The following FHIP1A variants were observed in gnomAD, a reference collection of about 807,000 sequenced individuals.
The protein encoded by FHIP1A is FHF complex subunit HOOK-interacting protein 1A.
Under a neutral mutation model 88.6 loss-of-function variants are expected in FHIP1A, and 61 were observed. The ratio of observed to expected loss-of-function variants is 0.69; its 90% CI spans 0.56 to 0.85. The LOEUF (loss-of-function observed/expected upper bound fraction) is 0.85. FHIP1A is among the 40% of genes least tolerant of loss of function. The probability of loss-of-function intolerance (pLI) is 0.00; values close to 1 mark genes in which losing one functional copy is unlikely to be tolerated. For missense variants in FHIP1A, 1,154 were observed against 1,273.5 expected, an observed-to-expected ratio of 0.91 and a Z score of 1.43; for synonymous variants, 478 against 496.0, an observed-to-expected ratio of 0.96 and a Z score of 0.48.
intron 2 of FHIP1A, among the ~76,000 whole-genome samples, chr4:151,467,160 CAAAGGATATG>C (rs1729348238): frequency 6.6e-6 from 1 of 152,044 alleles, no homozygotes; most frequent in South Asian, 2.1e-4. Context: ...AAAAAGTGGG[CAAAGGATATG>C]AACAGACACT....
At chr4:151,429,725 T>C (rs764445381) in intron 1 of FHIP1A, among the ~76,000 whole-genome samples, 6 of 151,906 alleles carry the variant, frequency 3.9e-5, no homozygotes, top group Non-Finnish European at 8.8e-5. Flanking sequence ...GGCATGTGCC[T>C]GTGGTCCCAG....
chr4:151,558,204 C>T lies in FHIP1A; in HGVS notation c.-122-7934C>T, dbSNP rs57328106. Among the ~76,000 whole-genome samples, 1,212 of 152,154 alleles carry T rather than the reference C, an allele frequency of 8.0e-3. 10 individuals are homozygous for T. Among genetic ancestry groups the T allele is most frequent in the African/African-American group, 0.028 (1,160 of 41,504 alleles). Reference sequence around the variant, plus strand: ...TTAGTTGGAGAGAATAGGTTTTGTACGAGTAGAAAAACAATCTCATAAGAA... The same window carrying T: ...TTAGTTGGAGAGAATAGGTTTTGTATGAGTAGAAAAACAATCTCATAAGAA... On this transcript the variant is annotated intron_variant, in intron 3 of 13. Transcript: ENST00000435205.
intron 3 of FHIP1A, among the ~76,000 whole-genome samples, chr4:151,517,851 TAAAGA>T (rs1731302876): frequency 6.6e-6 from 1 of 152,026 alleles, no homozygotes; most frequent in Admixed American, 6.6e-5. Flanking sequence ...AGGATATAAA[TAAAGA>T]AAATATTTTT....
At chr4:151,624,887 T>A (rs1437054437) in intron 7 of FHIP1A, among the ~76,000 whole-genome samples, 1 of 152,192 alleles carries the variant, frequency 6.6e-6, no homozygotes, top group Admixed American at 6.5e-5. Flanking sequence ...GAACATTTTC[T>A]GTCCTGAATT....
chr4:151,514,999 C>T (rs561321247), intron 3 of FHIP1A, among the ~76,000 whole-genome samples: 1,604 of 151,740 alleles, frequency 0.011, 9 homozygotes, highest in Non-Finnish European at 0.017. Flanking sequence ...GAGACACAAC[C>T]AAAAAAGAGA....
chr4:151,518,545 A>G (rs995939415), intron 3 of FHIP1A, among the ~76,000 whole-genome samples: 2 of 152,126 alleles, frequency 1.3e-5, no homozygotes, highest in Non-Finnish European at 2.9e-5. Flanking sequence ...GCAAAGTTGA[A>G]GGAATTTTAT....
chr4:151,551,203 G>T (rs1365939569), intron 3 of FHIP1A, among the ~76,000 whole-genome samples: 1 of 152,098 alleles, frequency 6.6e-6, no homozygotes, highest in Non-Finnish European at 1.5e-5. Flanking sequence ...GTGGACAAAA[G>T]GTCATCAGAT....
At chr4:151,538,640 C>T (rs1732157494) in intron 3 of FHIP1A, among the ~76,000 whole-genome samples, 1 of 152,160 alleles carries the variant, frequency 6.6e-6, no homozygotes, top group African/African-American at 2.4e-5. Flanking sequence ...TCTGCAAAAG[C>T]GCATACCTCC....
intron 10 of FHIP1A, among the ~76,000 whole-genome samples, chr4:151,648,100 A>G (rs564584910): frequency 6.6e-6 from 1 of 152,332 alleles, no homozygotes; most frequent in South Asian, 2.1e-4. Context: ...AGCTAGCCAG[A>G]GTAATTACTG....
chr4:151,468,201 C>T (rs1184834939), intron 2 of FHIP1A, among the ~76,000 whole-genome samples: 1 of 144,142 alleles, frequency 6.9e-6, no homozygotes, highest in African/African-American at 2.6e-5. Context: ...AGGAGAATGG[C>T]GTGAACCCAG....
chr4:151,639,168 A>AT (rs1337405510), intron 9 of FHIP1A, among the ~76,000 whole-genome samples: 3 of 152,198 alleles, frequency 2.0e-5, no homozygotes, highest in Non-Finnish European at 2.9e-5. Context: ...AATTTCTATG[A>AT]TTTTTGCTTT....
At position 151,656,474 on chromosome 4, in the gene FHIP1A, A is replaced by G. The variant is rs915971276; in HGVS notation, c.2730+64A>G. The G allele has an allele frequency of 4.1e-6, 6 of 1,454,906 alleles. No homozygotes were observed. The highest frequency in any genetic ancestry group is 2.1e-5 in the Admixed American group (1 of 46,572). The allele number at this position is 1,454,906 out of a possible 1,614,324, so 90.1% of individuals were successfully genotyped here. A position where few individuals can be genotyped will look rare whatever the true frequency, so the allele number is the denominator to read the frequency against. ...GTGGGTGCTAATTTGCAGGGCATCT[A>G]TTTCTCTTTATTTTGTTTTTCAAAA... is the stretch of plus-strand genomic sequence containing the variant. On this transcript the variant is annotated intron_variant, in intron 12 of 13. Coordinates refer to ENST00000435205, the MANE Select transcript of FHIP1A (RefSeq NM_001109977.3). This position sits in a 1 kb window ranked among gnomAD's most constrained non-coding sequence, Gnocchi z 4.2.
intron 10 of FHIP1A, among the ~76,000 whole-genome samples, chr4:151,648,792 G>A (rs1437749360): frequency 2.0e-5 from 3 of 151,556 alleles, no homozygotes; most frequent in Admixed American, 2.0e-4. Context: ...TCTCTTGAGG[G>A]AAAATGTAAA....
At chr4:151,443,724 T>TGTGTGTGTGTGTGTGTGTG (rs370363970) in intron 1 of FHIP1A, among the ~76,000 whole-genome samples, 49 of 148,156 alleles carry the variant, frequency 3.3e-4, no homozygotes, top group South Asian at 8.6e-4. Context: ...TGTGTGTGTG[T>TGTGTGTGTGTGTGTGTGTG]TTAGTACTGG....
intron 3 of FHIP1A, among the ~76,000 whole-genome samples, chr4:151,537,016 A>G (rs1307006948): frequency 2.0e-5 from 3 of 152,062 alleles, no homozygotes; most frequent in Non-Finnish European, 1.5e-5. Flanking sequence ...CTGGGACTAC[A>G]GGTGGTCACC....
At chr4:151,449,131 A>C (rs931976650) in intron 1 of FHIP1A, among the ~76,000 whole-genome samples, 1 of 152,214 alleles carries the variant, frequency 6.6e-6, no homozygotes, top group East Asian at 1.9e-4. Context: ...GCATTCTAGT[A>C]TGATGCCTGA....
At chr4:151,502,889 A>G (rs1454625211) in intron 3 of FHIP1A, among the ~76,000 whole-genome samples, 2 of 152,214 alleles carry the variant, frequency 1.3e-5, no homozygotes, top group African/African-American at 2.4e-5. Context: ...GTGTTGGCCC[A>G]TATTTTCAAT....
intron 2 of FHIP1A, 96 bp downstream of exon 2, chr4:151,454,904 T>C (rs1025370779): frequency 2.6e-5 from 4 of 152,150 alleles, no homozygotes. Context: ...TGGCCCCTTA[T>C]GTGGATTTCC....
chr4:151,585,655 G>A (rs1374265102), intron 5 of FHIP1A, among the ~76,000 whole-genome samples: 1 of 152,180 alleles, frequency 6.6e-6, no homozygotes, highest in Admixed American at 6.5e-5. Context: ...AAATCAACAA[G>A]CACTCAGCAT....
Sources: allele counts gnomAD v4.1 joint callset (sites outside exome capture counted in the v4.1 genomes callset), GRCh38; gene constraint gnomAD v4.1.1; non-coding constraint Gnocchi (gnomAD v3.1); transcripts MANE v1.5; gene names NCBI Gene and HGNC (gene_info 2026-07-23, HGNC 2026-07-21).